GRM8: variants seen among roughly 807,000 people sequenced by gnomAD.
GRM8 encodes glutamate metabotropic receptor 8, also known as metabotropic glutamate receptor 8.
Under a neutral mutation model 87.2 loss-of-function variants are expected in GRM8, and 47 were observed. That is an observed-to-expected ratio of 0.54 (90% CI 0.43 to 0.69). The LOEUF (loss-of-function observed/expected upper bound fraction) is 0.69. Ranked by LOEUF, GRM8 falls within the 30% of genes least tolerant of loss-of-function variation. The pLI, the probability that GRM8 is intolerant of heterozygous loss-of-function variation, is 0.00. For missense variants in GRM8, 1,019 were observed against 1,139.2 expected, an observed-to-expected ratio of 0.89 and a Z score of 1.52; for synonymous variants, 396 against 404.5, an observed-to-expected ratio of 0.98 and a Z score of 0.25.
intron 7 of GRM8, among the ~76,000 whole-genome samples, chr7:126,672,426 C>G (rs181620420): frequency 6.6e-6 from 1 of 152,110 alleles, no homozygotes; most frequent in East Asian, 1.9e-4. Flanking sequence ...CACTCTGTAC[C>G]CCTTTAGACT....
At chr7:127,189,485 C>A (rs992840145) in intron 2 of GRM8, among the ~76,000 whole-genome samples, 1 of 152,164 alleles carries the variant, frequency 6.6e-6, no homozygotes, top group African/African-American at 2.4e-5. Flanking sequence ...CACATATCCC[C>A]AAATTGATGT....
At chr7:127,001,183 AT>A (rs1302951054) in intron 3 of GRM8, among the ~76,000 whole-genome samples, 1 of 151,698 alleles carries the variant, frequency 6.6e-6, no homozygotes, top group East Asian at 1.9e-4. Context: ...TTTTCAACAT[AT>A]TGTATGGAAC....
intron 2 of GRM8, among the ~76,000 whole-genome samples, chr7:127,124,071 C>G (rs1827230577): frequency 6.6e-6 from 1 of 152,136 alleles, no homozygotes; most frequent in Admixed American, 6.5e-5. Flanking sequence ...TTTGTGTATA[C>G]TCAAGCCTCT....
At chr7:126,734,852 C>G (rs1468352156) in intron 7 of GRM8, among the ~76,000 whole-genome samples, 1 of 151,998 alleles carries the variant, frequency 6.6e-6, no homozygotes, top group African/African-American at 2.4e-5. Context: ...CATCTGCACT[C>G]TGGGAGCAGT....
intron 3 of GRM8, among the ~76,000 whole-genome samples, chr7:127,061,123 TC>T: frequency 6.6e-6 from 1 of 152,342 alleles, no homozygotes; most frequent in African/African-American, 2.4e-5. Context: ...TCTTTAGGAC[TC>T]CTAAGATTCA....
intron 6 of GRM8, among the ~76,000 whole-genome samples, chr7:126,843,191 C>T (rs1796428783): frequency 6.6e-6 from 1 of 152,088 alleles, no homozygotes; most frequent in Non-Finnish European, 1.5e-5. Flanking sequence ...TTTCAGCTTC[C>T]TGTTTCATTT....
At chr7:126,495,074 T>C (rs1160822429) in intron 9 of GRM8, among the ~76,000 whole-genome samples, 1 of 152,034 alleles carries the variant, frequency 6.6e-6, no homozygotes, top group Non-Finnish European at 1.5e-5. Flanking sequence ...CAAGTGGATA[T>C]GACCTATTAA....
At chr7:126,538,531 G>A (rs1331922925) in intron 8 of GRM8, among the ~76,000 whole-genome samples, 1 of 151,732 alleles carries the variant, frequency 6.6e-6, no homozygotes, top group Non-Finnish European at 1.5e-5. Flanking sequence ...TACAGGATGT[G>A]GGAAAATTTT....
intron 2 of GRM8, among the ~76,000 whole-genome samples, chr7:127,223,735 A>G (rs1241204152): frequency 1.3e-5 from 2 of 152,140 alleles, no homozygotes; most frequent in Admixed American, 1.3e-4. Context: ...ATGGAGAACC[A>G]TAACAGGACT....
chr7:126,472,338 C>T (rs1017693771), intron 9 of GRM8, among the ~76,000 whole-genome samples: 1 of 152,002 alleles, frequency 6.6e-6, no homozygotes, highest in Non-Finnish European at 1.5e-5. Context: ...ATAGATAGCT[C>T]TTATTATTTT....
At chr7:126,558,561 C>T (rs958967857) in intron 8 of GRM8, among the ~76,000 whole-genome samples, 1 of 152,162 alleles carries the variant, frequency 6.6e-6, no homozygotes, top group Non-Finnish European at 1.5e-5. Flanking sequence ...TTATAACCTA[C>T]ATGCATCCTA....
intron 2 of GRM8, among the ~76,000 whole-genome samples, chr7:127,200,142 C>A (rs1053764845): frequency 6.6e-6 from 1 of 152,012 alleles, no homozygotes; most frequent in Non-Finnish European, 1.5e-5. Context: ...AAAAATCTAC[C>A]AAGTTTCCTC....
intron 7 of GRM8, among the ~76,000 whole-genome samples, chr7:126,724,733 T>C (rs2151464904): frequency 6.6e-6 from 1 of 151,306 alleles, no homozygotes; most frequent in South Asian, 2.1e-4. Flanking sequence ...GCTGAAAACA[T>C]GTACATATGT....
At chr7:127,179,493 A>G (rs17869597) in intron 2 of GRM8, among the ~76,000 whole-genome samples, 285 of 152,310 alleles carry the variant, frequency 1.9e-3, no homozygotes, top group African/African-American at 6.5e-3. Flanking sequence ...CCTTGGAACA[A>G]ATAGACCTAA....
At chr7:127,031,949 C>A (rs1817418235) in intron 3 of GRM8, among the ~76,000 whole-genome samples, 1 of 152,048 alleles carries the variant, frequency 6.6e-6, no homozygotes, top group African/African-American at 2.4e-5. Context: ...TTCTCCTCAT[C>A]TACCTTAGGA....
intron 3 of GRM8, among the ~76,000 whole-genome samples, chr7:126,916,980 C>T (rs555216734): frequency 1.8e-4 from 28 of 152,280 alleles, no homozygotes; most frequent in Non-Finnish European, 2.8e-4. Context: ...AATGCAGTTA[C>T]GTTTTTAACT....
intron 3 of GRM8, among the ~76,000 whole-genome samples, chr7:127,081,767 T>G (rs6979287): frequency 0.28 from 43,187 of 152,080 alleles, 6,802 homozygotes; most frequent in African/African-American, 0.42. Flanking sequence ...TGAAAGCTTG[T>G]ATGAGATTGC....
At chr7:126,963,777 G>A (rs1292602918) in intron 3 of GRM8, among the ~76,000 whole-genome samples, 1 of 152,122 alleles carries the variant, frequency 6.6e-6, no homozygotes, top group African/African-American at 2.4e-5. Context: ...TACCCATTAA[G>A]CTATCATTGA....
At position 127,242,921 on chromosome 7, in the gene GRM8, T is replaced by C. The variant is rs1182828521; in HGVS notation, c.284A>G (p.Asn95Ser). 3.1e-6 allele frequency: 5 copies of C among 1,614,176 alleles called. No individual in the cohort carries two copies. The highest frequency in any genetic ancestry group is 2.2e-5 in the East Asian group (1 of 44,884). Residue 95 changes from asparagine (N) to serine (S), a missense_variant, in exon 2 of 11, where the codon AAC (asparagine) becomes AGC (serine). By Grantham distance (46) the Asn-to-Ser change is conservative. Coordinates refer to ENST00000339582, the MANE Select transcript of GRM8 (RefSeq NM_000845.3). ...QINKDPDLLS[N>S]ITLGVRILDT... is the part of the protein sequence containing the mutation. ...GAGGATGCGGACACCCAGAGTGATGTTGGAAAGGAGATCAGGGTCCTTGTT... is the reference window on the plus strand; with the variant it reads ...GAGGATGCGGACACCCAGAGTGATGCTGGAAAGGAGATCAGGGTCCTTGTT...
Sources: allele counts gnomAD v4.1 joint callset (sites outside exome capture counted in the v4.1 genomes callset), GRCh38; gene constraint gnomAD v4.1.1; transcripts MANE v1.5; gene names NCBI Gene and HGNC (gene_info 2026-07-23, HGNC 2026-07-21).